The following BCL11A variants were observed in gnomAD, a reference collection of about 807,000 sequenced individuals.
BCL11A encodes the protein BCL11 transcription factor A.
In BCL11A, 2 loss-of-function variants were observed where a neutral mutation model predicts 55.9. The observed-to-expected ratio is 0.04, with a 90% CI of 0.01 to 0.11. BCL11A has a LOEUF of 0.11. Among genes scored for constraint, BCL11A ranks in the 10% least tolerant of loss-of-function variants. The pLI is 1.00. For synonymous variants in BCL11A, 465 were observed against 473.4 expected, an observed-to-expected ratio of 0.98 and a Z score of 0.23; for missense variants, 817 against 1,137.1, an observed-to-expected ratio of 0.72 and a Z score of 4.05.
intron 2 of BCL11A, among the ~76,000 whole-genome samples, chr2:60,479,328 C>T (rs539465370): frequency 6.6e-6 from 1 of 152,314 alleles, no homozygotes; most frequent in Non-Finnish European, 1.5e-5. Flanking sequence ...CGGTGGGACC[C>T]GGAGACCATT....
intron 2 of BCL11A, chr2:60,525,852 T>C (rs1308660076): frequency 6.6e-6 from 1 of 152,352 alleles, no homozygotes; most frequent in East Asian, 1.9e-4. Context: ...CAAACCAGTC[T>C]TGGTAATTTC....
intron 3 of BCL11A, among the ~76,000 whole-genome samples, chr2:60,464,849 C>G (rs1353786417): frequency 6.6e-6 from 1 of 152,088 alleles, no homozygotes; most frequent in African/African-American, 2.4e-5. Flanking sequence ...GTGATGTTAT[C>G]CTCCCCTCTC....
At chr2:60,552,224 G>T (rs1260657928) in intron 1 of BCL11A, among the ~76,000 whole-genome samples, 1 of 152,102 alleles carries the variant, frequency 6.6e-6, no homozygotes, top group Non-Finnish European at 1.5e-5. Context: ...GCAAGAAATT[G>T]TACATTCTCT....
chr2:60,552,894 G>C (rs550645246), intron 1 of BCL11A, among the ~76,000 whole-genome samples: 8 of 151,950 alleles, frequency 5.3e-5, no homozygotes, highest in East Asian at 1.9e-4. Context: ...TGGCGGGGCG[G>C]GGGGGGAGTG....
At position 60,553,288 on chromosome 2, in the gene BCL11A, G is replaced by A. The variant is rs1573109901; in HGVS notation, c.-18C>T. The A allele has an allele frequency of 8.7e-7, 1 of 1,146,960 alleles. No homozygotes were observed. Among genetic ancestry groups the A allele is most frequent in the Non-Finnish European group, 1.1e-6 (1 of 907,472 alleles). 71.0% of individuals were successfully genotyped at this position (1,146,960 alleles called of 1,614,324 possible). ...CGAGACATGGTGGGCTGCGGGGCGG[G>A]CGGCGGCGGCGGCGGCGGCGGCGGC... On this transcript the variant is annotated 5_prime_UTR_variant, in exon 1 of 4. Coordinates refer to ENST00000642384, the MANE Select transcript of BCL11A (RefSeq NM_022893.4).
intron 2 of BCL11A, among the ~76,000 whole-genome samples, chr2:60,532,003 A>G (rs960785627): frequency 3.9e-5 from 6 of 152,080 alleles, no homozygotes; most frequent in African/African-American, 1.4e-4. Flanking sequence ...TGTTCCTGCC[A>G]CACCGCCGGG....
At chr2:60,507,174 T>C (rs1679642321) in intron 2 of BCL11A, among the ~76,000 whole-genome samples, 1 of 148,744 alleles carries the variant, frequency 6.7e-6, no homozygotes, top group Non-Finnish European at 1.5e-5. Context: ...AATGCTCTTC[T>C]AGCTCTGCAG....
chr2:60,485,828 C>A (rs1368919716), intron 2 of BCL11A, among the ~76,000 whole-genome samples: 1 of 152,152 alleles, frequency 6.6e-6, no homozygotes, highest in Non-Finnish European at 1.5e-5. Flanking sequence ...AATTCCAGGT[C>A]CCCCAGAAGT....
chr2:60,469,519 G>C (rs1481059200), intron 2 of BCL11A, among the ~76,000 whole-genome samples: 1 of 152,148 alleles, frequency 6.6e-6, no homozygotes, highest in African/African-American at 2.4e-5. Context: ...GACTTCTGGG[G>C]TCCAAATAAC....
At chr2:60,475,875 C>T (rs572326580) in intron 2 of BCL11A, among the ~76,000 whole-genome samples, 27 of 152,212 alleles carry the variant, frequency 1.8e-4, no homozygotes, top group Non-Finnish European at 3.5e-4. Context: ...GGACTTGTTC[C>T]TCTGGAGAGA....
At chr2:60,468,889 C>T in intron 2 of BCL11A, 56 bp from the exon 3 acceptor site, 17 of 1,056,582 alleles carry the variant, frequency 1.6e-5, no homozygotes, top group Non-Finnish European at 2.3e-5. Flanking sequence ...GCATCATAAA[C>T]CACAGGATAT....
At chr2:60,463,141 G>A (rs1331662044) in intron 3 of BCL11A, among the ~76,000 whole-genome samples, 2 of 152,108 alleles carry the variant, frequency 1.3e-5, no homozygotes, top group Non-Finnish European at 2.9e-5. Flanking sequence ...ACACCCCATG[G>A]GGACGTCCAT....
intron 2 of BCL11A, among the ~76,000 whole-genome samples, chr2:60,513,673 G>A (rs772218228): frequency 2.5e-4 from 38 of 152,256 alleles, no homozygotes; most frequent in Non-Finnish European, 4.6e-4. Context: ...CCAACAGCAC[G>A]GACTCATCCC....
At chr2:60,494,792 T>A (rs965838078) in intron 2 of BCL11A, among the ~76,000 whole-genome samples, 1 of 152,214 alleles carries the variant, frequency 6.6e-6, no homozygotes, top group Non-Finnish European at 1.5e-5. Flanking sequence ...TGCTGCCTCC[T>A]GGTATTTATT....
At chr2:60,507,486 C>A (rs1261195974) in intron 2 of BCL11A, among the ~76,000 whole-genome samples, 6 of 151,920 alleles carry the variant, frequency 3.9e-5, no homozygotes, top group Non-Finnish European at 8.8e-5. Flanking sequence ...TCCGTTCAAG[C>A]CAGAAAAGTT....
Position 60,531,961 on chromosome 2 carries a change from C to T in BCL11A, c.385+14010G>A, listed in dbSNP as rs1669475538. On this transcript the variant is annotated intron_variant, in intron 2 of 3. Coordinates refer to ENST00000642384, the MANE Select transcript of BCL11A (RefSeq NM_022893.4). ...CACCATGAGCATCTGGGTTAAGGCT[C>T]GGAATCCTGCACCAGCGTTGGAAGC... Among the ~76,000 whole-genome samples the T allele has an allele frequency of 2.6e-5, 4 of 152,122 alleles. No individual in the cohort carries two copies. In the South Asian group the frequency reaches 8.3e-4, roughly 32 times the overall value.
At chr2:60,468,859 A>G (rs774738522) in intron 2 of BCL11A, 26 bp from the exon 3 acceptor site, 1 of 1,445,288 alleles carries the variant, frequency 6.9e-7, no homozygotes, top group Admixed American at 1.8e-5. Flanking sequence ...AAAATCAAGC[A>G]CTACAGCTAC....
chr2:60,492,837 T>C (rs1044675931), intron 2 of BCL11A, among the ~76,000 whole-genome samples: 5 of 152,184 alleles, frequency 3.3e-5, no homozygotes, highest in African/African-American at 1.2e-4. Flanking sequence ...AAGGTATACT[T>C]TACATACAAC....
chr2:60,529,864 G>A (rs1009171686), intron 2 of BCL11A, among the ~76,000 whole-genome samples: 1 of 152,170 alleles, frequency 6.6e-6, no homozygotes, highest in East Asian at 1.9e-4. Context: ...GAAAGCCCTG[G>A]TGTCCCCTAG....
Sources: gnomAD v4.1 joint callset for allele counts (sites outside exome capture counted in the v4.1 genomes callset) on GRCh38, gnomAD v4.1.1 for gene constraint, MANE v1.5 for transcripts, NCBI Gene and HGNC (gene_info 2026-07-23, HGNC 2026-07-21) for gene names.